The following MAP4K4 variants were observed in gnomAD, a reference collection of about 807,000 sequenced individuals.
MAP4K4 encodes the protein HPK/GCK-like kinase HGK.
A neutral mutation model predicts 189.6 loss-of-function variants in MAP4K4; 38 were observed. That is an observed-to-expected ratio of 0.20 (90% CI 0.15 to 0.26). MAP4K4 has a LOEUF of 0.26. MAP4K4 is among the 10% of genes least tolerant of loss of function. The pLI, the probability that MAP4K4 is intolerant of heterozygous loss-of-function variation, is 1.00. For synonymous variants in MAP4K4, 610 were observed against 624.3 expected, an observed-to-expected ratio of 0.98 and a Z score of 0.34; for missense variants, 1,054 against 1,726.9, an observed-to-expected ratio of 0.61 and a Z score of 6.91.
At chr2:101,737,881 A>T (rs571132802) in intron 2 of MAP4K4, among the ~76,000 whole-genome samples, 1 of 152,078 alleles carries the variant, frequency 6.6e-6, no homozygotes, top group Admixed American at 6.5e-5. Flanking sequence ...ACTTTTTAAA[A>T]GTTGGCCAGG....
intron 2 of MAP4K4, among the ~76,000 whole-genome samples, chr2:101,761,464 G>C (rs2076352851): frequency 2.0e-5 from 3 of 152,030 alleles, no homozygotes; most frequent in Admixed American, 2.0e-4. Context: ...CTAGGTCCTG[G>C]GGATATATAG....
chr2:101,703,428 G>A (rs1215547609), intron 2 of MAP4K4, among the ~76,000 whole-genome samples: 1 of 151,834 alleles, frequency 6.6e-6, no homozygotes, highest in Non-Finnish European at 1.5e-5. Flanking sequence ...GACCAGCCTA[G>A]CCAACATGGC....
At chr2:101,742,435 A>G (rs2063259186) in intron 2 of MAP4K4, among the ~76,000 whole-genome samples, 1 of 152,110 alleles carries the variant, frequency 6.6e-6, no homozygotes, top group African/African-American at 2.4e-5. Context: ...TTCCTGAGCC[A>G]CGCTGCCTGT....
chr2:101,728,873 C>T (rs2056934966), intron 2 of MAP4K4, among the ~76,000 whole-genome samples: 3 of 152,072 alleles, frequency 2.0e-5, no homozygotes, highest in Non-Finnish European at 4.4e-5. Flanking sequence ...TCTAGCTGCT[C>T]CTATATCTTG....
chr2:101,869,723 G>A (rs772304095), exon 22 of MAP4K4: 31 of 1,597,952 alleles, frequency 1.9e-5, no homozygotes, highest in African/African-American at 4.0e-5. Flanking sequence ...CGGGGACGAC[G>A]GATGAGGAGG....
At chr2:101,889,456 G>C (rs2098534271) in intron 32 of MAP4K4, among the ~76,000 whole-genome samples, 1 of 152,088 alleles carries the variant, frequency 6.6e-6, no homozygotes, top group African/African-American at 2.4e-5. Context: ...CCCATGGCAT[G>C]ACACCCCCTT....
In MAP4K4 at chr2:101,891,124, A is replaced by C. The variant is rs752737669; in HGVS notation, c.4072-42A>C. 2.0e-6 allele frequency: 3 copies of C among 1,507,090 alleles called. No homozygotes were observed. In the South Asian group the frequency reaches 3.4e-5, roughly 17 times the overall value. The allele number at this position is 1,507,090 out of a possible 1,614,324, so 93.4% of individuals were successfully genotyped here. ...TAGATTCCCTGGCTGGAAGTGCTTCATGACCATGGTAACCATTCCCTCTCT... is the reference window on the plus strand; with the variant it reads ...TAGATTCCCTGGCTGGAAGTGCTTCCTGACCATGGTAACCATTCCCTCTCT... On this transcript the variant is annotated intron_variant, in intron 32 of 32. Transcript: ENST00000324219.
At chr2:101,846,872 C>T (rs1328547614) in intron 12 of MAP4K4, among the ~76,000 whole-genome samples, 1 of 152,148 alleles carries the variant, frequency 6.6e-6, no homozygotes, top group Non-Finnish European at 1.5e-5. Flanking sequence ...TATTTACACT[C>T]CAGGTCTGAG....
At chr2:101,745,599 T>C (rs1197727426) in intron 2 of MAP4K4, among the ~76,000 whole-genome samples, 1 of 152,156 alleles carries the variant, frequency 6.6e-6, no homozygotes, top group African/African-American at 2.4e-5. Context: ...CGGTCATACT[T>C]ACCTGCACAC....
At chr2:101,799,897 C>T (rs1182714104) in intron 3 of MAP4K4, among the ~76,000 whole-genome samples, 1 of 152,072 alleles carries the variant, frequency 6.6e-6, no homozygotes, top group Non-Finnish European at 1.5e-5. Flanking sequence ...AGCCACTGAG[C>T]CCTGCCGATT....
intron 3 of MAP4K4, among the ~76,000 whole-genome samples, chr2:101,807,128 C>G (rs2095028672): frequency 6.6e-6 from 1 of 151,738 alleles, no homozygotes; most frequent in Non-Finnish European, 1.5e-5. Context: ...TAACAGCTCA[C>G]TGCAGCCTGG....
intron 9 of MAP4K4, among the ~76,000 whole-genome samples, chr2:101,836,723 G>T (rs1417852696): frequency 6.6e-6 from 1 of 152,022 alleles, no homozygotes; most frequent in Non-Finnish European, 1.5e-5. Flanking sequence ...AGCTTTAATC[G>T]CAGAATAGCA....
Position 101,791,355 on chromosome 2 carries a change from C to T in MAP4K4, c.180+579C>T, listed in dbSNP as rs773117558. ...CAGCTTTAGATGGGAAAGAGGAGAA[C>T]GTGACCGAGACAGAAAGTAAATGTA... On this transcript the variant is annotated intron_variant, in intron 3 of 32. Transcript: ENST00000324219. 5.9e-5 allele frequency among the ~76,000 whole-genome samples: 9 copies of T among 152,052 alleles called. No individual in the cohort carries two copies. In the East Asian group the frequency reaches 9.6e-4, roughly 16 times the overall value.
chr2:101,739,661 A>C (rs1449550850), intron 2 of MAP4K4, among the ~76,000 whole-genome samples: 2 of 152,232 alleles, frequency 1.3e-5, no homozygotes. Context: ...TTAACTCTGA[A>C]AACTTGTTTC....
intron 2 of MAP4K4, among the ~76,000 whole-genome samples, chr2:101,763,007 T>A (rs1410735865): frequency 6.6e-6 from 1 of 152,184 alleles, no homozygotes; most frequent in Non-Finnish European, 1.5e-5. Flanking sequence ...CTGAGGAATG[T>A]GAGGCCAGAA....
At chr2:101,829,094 C>CT (rs1280694261) in intron 5 of MAP4K4, among the ~76,000 whole-genome samples, 2 of 152,216 alleles carry the variant, frequency 1.3e-5, no homozygotes, top group Non-Finnish European at 2.9e-5. Flanking sequence ...AAAGCCCTCT[C>CT]TTGCCCTTTG....
intron 2 of MAP4K4, among the ~76,000 whole-genome samples, chr2:101,783,803 A>C (rs2089123738): frequency 6.6e-6 from 1 of 152,192 alleles, no homozygotes; most frequent in Non-Finnish European, 1.5e-5. Context: ...TACACGTCAC[A>C]CCACCATGGA....
At chr2:101,731,180 G>A (rs1008744388) in intron 2 of MAP4K4, among the ~76,000 whole-genome samples, 3 of 151,658 alleles carry the variant, frequency 2.0e-5, no homozygotes, top group Non-Finnish European at 2.9e-5. Flanking sequence ...GCAGTGGCGC[G>A]ATCTCGGCTC....
At chr2:101,880,152 C>T (rs1265799176) in intron 27 of MAP4K4, among the ~76,000 whole-genome samples, 1 of 152,082 alleles carries the variant, frequency 6.6e-6, no homozygotes, top group East Asian at 1.9e-4. Context: ...TTTGTTCATG[C>T]TGTGGAATGA....
Sources: allele counts gnomAD v4.1 joint callset (sites outside exome capture counted in the v4.1 genomes callset), GRCh38; gene constraint gnomAD v4.1.1; transcripts MANE v1.5; gene names NCBI Gene and HGNC (gene_info 2026-07-23, HGNC 2026-07-21).